The following OTOA variants were observed in gnomAD, a reference collection of about 807,000 sequenced individuals.
The protein encoded by OTOA is cancer/testis antigen 108.
OTOA carries 70 observed loss-of-function variants against 110.8 expected under a neutral mutation model. The observed-to-expected ratio is 0.63, with a 90% confidence interval of 0.52 to 0.77. The LOEUF (loss-of-function observed/expected upper bound fraction) is 0.77, where lower values mean the gene tolerates loss of function less well. Ranked by LOEUF, OTOA falls within the 30% of genes least tolerant of loss-of-function variation. The pLI, the probability that OTOA is intolerant of heterozygous loss-of-function variation, is 0.00. For missense variants in OTOA, 917 were observed against 1,075.8 expected (o/e 0.85, Z 2.06); for synonymous variants, 373 against 431.5 (o/e 0.86, Z 1.68).
intron 10 of OTOA, among the ~76,000 whole-genome samples, chr16:21,698,378 G>C (rs976315824): frequency 6.6e-6 from 1 of 152,104 alleles, no homozygotes; most frequent in Admixed American, 6.6e-5. Context: ...ACACATTCTA[G>C]GATTACTTAA....
At chr16:21,697,915 T>C (rs1421890391) in intron 10 of OTOA, 40 bp downstream of exon 10, 1 of 1,516,294 alleles carries the variant, frequency 6.6e-7, no homozygotes, top group East Asian at 2.3e-5. Context: ...CCATTACTAA[T>C]ACACTTGGGG....
At chr16:21,696,584 T>C (rs762153891) in intron 9 of OTOA, among the ~76,000 whole-genome samples, 1 of 152,162 alleles carries the variant, frequency 6.6e-6, no homozygotes, top group East Asian at 1.9e-4. Context: ...ATTATTATTA[T>C]TATTAGACAG....
chr16:21,732,730 A>C (rs1179667724), intron 21 of OTOA, among the ~76,000 whole-genome samples: 1 of 151,604 alleles, frequency 6.6e-6, no homozygotes, highest in Non-Finnish European at 1.5e-5. Flanking sequence ...TAAATAAATA[A>C]ATAGTAGCTG....
Position 21,726,667 on chromosome 16 carries a change from A to G in OTOA, c.2016+9A>G, listed in dbSNP as rs1252008736. 6.2e-7 allele frequency: 1 copy of G among 1,612,712 alleles called. No homozygotes were observed. Among genetic ancestry groups the G allele is most frequent in the Non-Finnish European group, 8.5e-7 (1 of 1,179,668 alleles). Reference sequence around the variant, plus strand: ...AAGTGCAGCAGTGCCTGGTAAGAAAACTCTTCCTGGGTGTCCCCTCCCTCT... The same window carrying G: ...AAGTGCAGCAGTGCCTGGTAAGAAAGCTCTTCCTGGGTGTCCCCTCCCTCT... On this transcript the variant is annotated intron_variant, in intron 19 of 28. Transcript: ENST00000646100.
rs758787204 is a variant in OTOA, at chr16:21,715,139, G to C, written c.1475G>C (p.Gly492Ala). The change falls in exon 14 of 29, where the codon GGT becomes GCT. Residue 492 changes from glycine (G) to alanine (A), a missense_variant. Physicochemically the swap from Gly to Ala is moderately conservative, Grantham distance 60 (BLOSUM62 0). Transcript: ENST00000646100. ...GACTTGTCACCTGCCCAGCAGCAAG[G>C]TATCCTCAGCAAGGTGAGAGGAAGA... ...VSDLSPAQQQGILSKMVQAED... is the reference protein window; with the variant it reads ...VSDLSPAQQQAILSKMVQAED... 6.2e-7 allele frequency: 1 copy of C among 1,614,050 alleles called. No homozygotes were observed. The highest frequency in any genetic ancestry group is 1.3e-5 in the African/African-American group (1 of 74,932).
intron 10 of OTOA, among the ~76,000 whole-genome samples, chr16:21,699,699 A>G (rs1274495360): frequency 6.6e-6 from 1 of 152,142 alleles, no homozygotes; most frequent in Non-Finnish European, 1.5e-5. Context: ...CGGGTGGATC[A>G]TGTGAGGTCA....
intron 12 of OTOA, among the ~76,000 whole-genome samples, chr16:21,707,053 T>C (rs1898189154): frequency 6.6e-6 from 1 of 151,528 alleles, no homozygotes; most frequent in African/African-American, 2.4e-5. Context: ...TTAGTAGAGA[T>C]GGGGTTTTAC....
intron 16 of OTOA, 34 bp from the exon 17 acceptor site, chr16:21,719,353 C>T (rs1297191790): frequency 1.2e-6 from 2 of 1,601,890 alleles, no homozygotes; most frequent in South Asian, 2.2e-5. Context: ...TCCTCACTTC[C>T]TTCCTCTCCC....
intron 18 of OTOA, among the ~76,000 whole-genome samples, chr16:21,725,671 G>A (rs1299489647): frequency 6.6e-6 from 1 of 152,190 alleles, no homozygotes; most frequent in Admixed American, 6.6e-5. Context: ...ATAGCATAGA[G>A]GCGGAAGAAC....
chr16:21,726,545 C>G lies in OTOA; in HGVS notation c.1903C>G (p.Pro635Ala). 1 of 1,613,962 alleles carries G rather than the reference C, an allele frequency of 6.2e-7. No homozygotes were observed. Among genetic ancestry groups the G allele is most frequent in the Non-Finnish European group, 8.5e-7 (1 of 1,180,012 alleles). Residue 635 changes from proline (P) to alanine (A), a missense_variant, in exon 19 of 29, where the codon CCA becomes GCA. Pro to Ala is a conservative substitution (Grantham distance 27, BLOSUM62 -1). Coordinates refer to ENST00000646100, the MANE Select transcript of OTOA (RefSeq NM_144672.4). ...CAGGGCCCGCTACCTGGCTTCTGTC[C>G]CAGCCTCCCAGTGTGTGCCCTTTCT... Reference protein sequence around the residue: ...ALPARYLASVPASQCVPFLIS... With the variant: ...ALPARYLASVAASQCVPFLIS...
intron 18 of OTOA, among the ~76,000 whole-genome samples, chr16:21,723,296 G>A (rs1339112112): frequency 6.6e-6 from 1 of 152,180 alleles, no homozygotes; most frequent in Non-Finnish European, 1.5e-5. Context: ...AGAGTTGAGG[G>A]GAGCAGTAGG....
At chr16:21,743,174 A>ATATGTAAATAT (rs2141745168) in intron 23 of OTOA, among the ~76,000 whole-genome samples, 1 of 142,564 alleles carries the variant, frequency 7.0e-6, no homozygotes, top group South Asian at 2.6e-4. Flanking sequence ...ATATTTACAT[A>ATATGTAAATAT]GCACTTATAT....
intron 24 of OTOA, among the ~76,000 whole-genome samples, chr16:21,746,889 TCAC>T (rs1269125971): frequency 6.6e-6 from 1 of 152,268 alleles, no homozygotes; most frequent in East Asian, 1.9e-4. Flanking sequence ...CTTTTTGTAA[TCAC>T]GGTGGCCATG....
At chr16:21,750,111 T>G (rs1369462387) in intron 24 of OTOA, among the ~76,000 whole-genome samples, 1 of 152,306 alleles carries the variant, frequency 6.6e-6, no homozygotes, top group Admixed American at 6.5e-5. Context: ...ACAAACTGGC[T>G]TGAACAAATA....
chr16:21,703,191 T>C (rs1898086806), intron 11 of OTOA, among the ~76,000 whole-genome samples: 3 of 152,166 alleles, frequency 2.0e-5, no homozygotes, highest in Admixed American at 6.5e-5. Context: ...AGTCAGCATG[T>C]ACAATAGATC....
intron 28 of OTOA, among the ~76,000 whole-genome samples, chr16:21,760,265 A>G (rs1173232250): frequency 2.6e-5 from 4 of 151,840 alleles, no homozygotes; most frequent in Admixed American, 6.6e-5. Context: ...TCCCTAGTAC[A>G]TGCTGACTGA....
intron 17 of OTOA, among the ~76,000 whole-genome samples, chr16:21,722,095 TA>T (rs1898764264): frequency 2.1e-5 from 2 of 94,270 alleles, no homozygotes; most frequent in Admixed American, 2.3e-4. Context: ...CCACTAAAAA[TA>T]CAAAAAAAAA....
chr16:21,715,990 G>A (rs1415690973), intron 14 of OTOA, among the ~76,000 whole-genome samples: 1 of 152,004 alleles, frequency 6.6e-6, no homozygotes, highest in Non-Finnish European at 1.5e-5. Context: ...GTTCACTGCA[G>A]CCTCCACCTC....
chr16:21,684,767 T>TA (rs1278386253), intron 6 of OTOA, among the ~76,000 whole-genome samples: 154 of 10,588 alleles, frequency 0.015, no homozygotes, highest in Non-Finnish European at 0.047. Context: ...TTATTATTAT[T>TA]TTTTAGGTGG....
Sources: gnomAD v4.1 joint callset for allele counts (sites outside exome capture counted in the v4.1 genomes callset) on GRCh38, gnomAD v4.1.1 for gene constraint, MANE v1.5 for transcripts, NCBI Gene and HGNC (gene_info 2026-07-23, HGNC 2026-07-21) for gene names.